The following BMAL1 variants were observed in gnomAD, a reference collection of about 807,000 sequenced individuals.
BMAL1 encodes the protein basic helix-loop-helix ARNT-like protein 1.
chr11:13,376,412 A>G, the BMAL1 span: 1 of 564,618 alleles, frequency 1.8e-6, no homozygotes, highest in Non-Finnish European at 3.2e-6. Flanking sequence ...CCTCTGCTGA[A>G]CTGTGTCCCA....
chr11:13,292,546 C>CAA, the BMAL1 span, among the ~76,000 whole-genome samples: 155 of 84,092 alleles, frequency 1.8e-3, no homozygotes, highest in African/African-American at 4.2e-3. Flanking sequence ...GACTCCATCT[C>CAA]AAAAAAAAAA....
chr11:13,330,540 C>T, the BMAL1 span, among the ~76,000 whole-genome samples: 2 of 152,332 alleles, frequency 1.3e-5, no homozygotes, highest in Admixed American at 6.5e-5. Context: ...TCAAGGGCTT[C>T]GTAAATCAAC....
the BMAL1 span, among the ~76,000 whole-genome samples, chr11:13,346,768 T>C: frequency 3.2e-4 from 49 of 152,144 alleles, no homozygotes; most frequent in Non-Finnish European, 6.2e-4. Flanking sequence ...CTCTCTAGCT[T>C]GGAAGTGGGC....
the BMAL1 span, among the ~76,000 whole-genome samples, chr11:13,289,122 T>G: frequency 6.6e-6 from 1 of 152,228 alleles, no homozygotes; most frequent in Non-Finnish European, 1.5e-5. Context: ...CAATTCCTGT[T>G]GAGCCCTTTT....
chr11:13,356,732 T>C, the BMAL1 span: 1 of 1,614,190 alleles, frequency 6.2e-7, no homozygotes, highest in Non-Finnish European at 8.5e-7. Context: ...CTCTTTTGTT[T>C]TTTCAGAGAA....
At chr11:13,346,555 A>C in the BMAL1 span, among the ~76,000 whole-genome samples, 3 of 152,150 alleles carry the variant, frequency 2.0e-5, no homozygotes, top group African/African-American at 7.2e-5. Flanking sequence ...TCAGCTGCCA[A>C]GGCCTCTCTC....
chr11:13,302,108 G>C, the BMAL1 span, among the ~76,000 whole-genome samples: 91 of 152,316 alleles, frequency 6.0e-4, no homozygotes, highest in African/African-American at 2.0e-3. Flanking sequence ...GCATTGGAGA[G>C]GTGGGGATGG....
At chr11:13,381,274 G>A in the BMAL1 span, 1 of 1,611,162 alleles carries the variant, frequency 6.2e-7, no homozygotes, top group East Asian at 2.2e-5. Flanking sequence ...ATGATTCTTA[G>A]CCTAAGCTAG....
chr11:13,365,322 A>ACACACACACAC, the BMAL1 span: 7 of 309,402 alleles, frequency 2.3e-5, 1 homozygote, highest in Non-Finnish European at 1.2e-5. Flanking sequence ...CACACACACA[A>ACACACACACAC]TCTTACAGTT....
At chr11:13,354,317 C>T in the BMAL1 span, 1 of 1,603,086 alleles carries the variant, frequency 6.2e-7, no homozygotes, top group Non-Finnish European at 8.5e-7. Flanking sequence ...CAATGGCAGA[C>T]CAGAGAATGG....
chr11:13,307,830 C>A, the BMAL1 span, among the ~76,000 whole-genome samples: 2 of 152,132 alleles, frequency 1.3e-5, no homozygotes, highest in African/African-American at 2.4e-5. Context: ...ACTCTCCTGC[C>A]CCCAGCCTGC....
At chr11:13,384,047 GCTA>G in the BMAL1 span, among the ~76,000 whole-genome samples, 2 of 152,180 alleles carry the variant, frequency 1.3e-5, no homozygotes, top group Non-Finnish European at 2.9e-5. Flanking sequence ...AGTTGAACTA[GCTA>G]CTATTTTCAT....
At chr11:13,368,895 A>C in the BMAL1 span, among the ~76,000 whole-genome samples, 2 of 152,258 alleles carry the variant, frequency 1.3e-5, no homozygotes, top group African/African-American at 4.8e-5. Context: ...AAAATATTTC[A>C]GCATGTAATA....
the BMAL1 span, among the ~76,000 whole-genome samples, chr11:13,284,835 G>A: frequency 6.6e-6 from 1 of 152,054 alleles, no homozygotes; most frequent in Admixed American, 6.5e-5. Context: ...CATGCAGGTG[G>A]CACCCCTGTG....
At chr11:13,354,184 C>T in the BMAL1 span, 57 of 1,116,544 alleles carry the variant, frequency 5.1e-5, 1 homozygote, top group South Asian at 3.1e-4. Flanking sequence ...AAACCAGCCC[C>T]GGGTCTCCCC....
chr11:13,354,624 G>A, the BMAL1 span: 1 of 790,244 alleles, frequency 1.3e-6, no homozygotes, highest in South Asian at 1.9e-5. Context: ...TTGTAAGCAA[G>A]AAGGAGCCTT....
the BMAL1 span, chr11:13,357,059 G>A: frequency 1.2e-6 from 2 of 1,614,232 alleles, no homozygotes; most frequent in Admixed American, 3.3e-5. This position sits in a 1 kb window ranked among gnomAD's most constrained non-coding sequence, Gnocchi z 4.8. Flanking sequence ...CCCCAGGTTA[G>A]AATATACAGA....
At chr11:13,300,701 C>G in the BMAL1 span, among the ~76,000 whole-genome samples, 2 of 152,036 alleles carry the variant, frequency 1.3e-5, no homozygotes, top group Non-Finnish European at 1.5e-5. Flanking sequence ...ATAAGATTTC[C>G]GAGAAAAAAC....
the BMAL1 span, among the ~76,000 whole-genome samples, chr11:13,377,780 G>A: frequency 6.6e-6 from 1 of 152,196 alleles, no homozygotes; most frequent in Non-Finnish European, 1.5e-5. Context: ...AGTCTCCCAA[G>A]TTTTAACCTG....
Sources: allele counts gnomAD v4.1 joint callset (sites outside exome capture counted in the v4.1 genomes callset), GRCh38; gene constraint gnomAD v4.1.1; non-coding constraint Gnocchi (gnomAD v3.1); transcripts MANE v1.5; gene names NCBI Gene and HGNC (gene_info 2026-07-23, HGNC 2026-07-21).